The following LRRC9 variants were observed in gnomAD, a reference collection of about 807,000 sequenced individuals.
The protein encoded by LRRC9 is leucine-rich repeat-containing protein 9.
In LRRC9, 122 loss-of-function variants were observed where a neutral mutation model predicts 63.2. The ratio of observed to expected loss-of-function variants is 1.93; its 90% confidence interval spans 1.67 to 2.24. LRRC9 has a LOEUF of 2.24. Ranked by LOEUF, LRRC9 falls within the 30% of genes most tolerant of loss-of-function variation. The pLI is 0.00. For synonymous variants in LRRC9, 366 were observed against 213.1 expected, an observed-to-expected ratio of 1.72 and a Z score of -6.25; for missense variants, 1,071 against 627.7, an observed-to-expected ratio of 1.71 and a Z score of -7.55.
Position 60,027,849 on chromosome 14 carries a change from G to C in LRRC9, c.3704-35G>C. On this transcript the variant is annotated intron_variant, in intron 27 of 31. Coordinates refer to ENST00000445360, the Ensembl canonical transcript of LRRC9. This position sits in a 1 kb window ranked among gnomAD's most constrained non-coding sequence, Gnocchi z 4.0. The stretch of plus-strand genomic sequence containing the variant: ...ATATCCTTTACTTCAGGAAGTTTGG[G>C]CTCACTTGATATATCATGACTTATC... 1 of 626,348 alleles carries C rather than the reference G, an allele frequency of 1.6e-6. No homozygotes were observed. The allele number at this position is 626,348 out of a possible 1,614,324, so 38.8% of individuals were successfully genotyped here. A position where few individuals can be genotyped will look rare whatever the true frequency, so the allele number is the denominator to read the frequency against.
rs1000520486 is a variant in LRRC9 at position 59,990,004 on chromosome 14, C to T, written c.2211+4780C>T. On this transcript the variant is annotated intron_variant, in intron 17 of 31. Coordinates refer to ENST00000445360, the Ensembl canonical transcript of LRRC9. The surrounding 1 kb of genome is among the most constrained non-coding windows in gnomAD (Gnocchi z 4.2). ...GTGCAGTGGCGCAATCTCGGCTCAC[C>T]GCAACATCCACCTCCTGGATTCAAG... 6.6e-6 allele frequency among the ~76,000 whole-genome samples: 1 copy of T among 151,280 alleles called. No individual in the cohort carries two copies. The highest frequency in any genetic ancestry group is 1.5e-5 in the Non-Finnish European group (1 of 67,844).
At chr14:59,921,167 A>G (rs546907346) in intron 1 of LRRC9, among the ~76,000 whole-genome samples, 1 of 152,220 alleles carries the variant, frequency 6.6e-6, no homozygotes, top group African/African-American at 2.4e-5. Context: ...GAAACAGCCC[A>G]TGCCAAAGTA....
chr14:60,002,560 G>T (rs948526417), intron 20 of LRRC9, among the ~76,000 whole-genome samples: 5 of 151,938 alleles, frequency 3.3e-5, no homozygotes, highest in Non-Finnish European at 7.4e-5. Context: ...TTTAATATAT[G>T]CAATTTTAAA....
intron 17 of LRRC9, among the ~76,000 whole-genome samples, chr14:59,987,245 A>C (rs219345): frequency 0.85 from 127,593 of 150,898 alleles, 54,448 homozygotes; most frequent in Non-Finnish European, 0.9. Flanking sequence ...AGTTCTGTCA[A>C]CCAAATGTAC....
At position 60,042,874 on chromosome 14, in the gene LRRC9, G is replaced by A. The variant is rs1893078119; in HGVS notation, c.3991-10191G>A. Among the ~76,000 whole-genome samples, 1 of 152,160 alleles carries A rather than the reference G, an allele frequency of 6.6e-6. No homozygotes were observed. The highest frequency in any genetic ancestry group is 6.5e-5 in the Admixed American group (1 of 15,278). On this transcript the variant is annotated intron_variant, in intron 29 of 31. Transcript: ENST00000445360. The surrounding 1 kb of genome is among the most constrained non-coding windows in gnomAD (Gnocchi z 4.2). ...GAGCTGTTCCTATTAGGCCATCTTG[G>A]AACCTCCCATGTATTGTCATTTTAA...
intron 8 of LRRC9, among the ~76,000 whole-genome samples, chr14:59,957,607 C>T (rs1380567607): frequency 1.3e-5 from 2 of 151,980 alleles, no homozygotes; most frequent in African/African-American, 4.8e-5. Context: ...TTGTTATTAC[C>T]CACCTTCTGA....
intron 6 of LRRC9, among the ~76,000 whole-genome samples, chr14:59,934,454 C>T (rs1889966459): frequency 6.6e-6 from 1 of 152,148 alleles, no homozygotes; most frequent in African/African-American, 2.4e-5. Flanking sequence ...AGCAGTCATA[C>T]CTTACAATCT....
chr14:59,928,353 C>T (rs1889387221), exon 3 of LRRC9: 1 of 690,506 alleles, frequency 1.4e-6, no homozygotes, highest in Non-Finnish European at 2.6e-6. Flanking sequence ...TTAGGGTATC[C>T]TCGTATAGTT....
intron 29 of LRRC9, among the ~76,000 whole-genome samples, chr14:60,039,480 G>T (rs944575396): frequency 4.6e-5 from 7 of 152,082 alleles, no homozygotes; most frequent in Non-Finnish European, 8.8e-5. Context: ...CTTCTTCCTG[G>T]TTTAGTCTTG....
exon 14 of LRRC9, chr14:59,977,332 C>A: frequency 1.5e-6 from 1 of 688,570 alleles, no homozygotes; most frequent in South Asian, 1.6e-5. Context: ...GTTCATTCCT[C>A]GGAAATATTT....
intron 19 of LRRC9, among the ~76,000 whole-genome samples, chr14:60,000,284 G>A (rs549378228): frequency 1.5e-4 from 23 of 152,044 alleles, no homozygotes; most frequent in Non-Finnish European, 3.1e-4. Flanking sequence ...ACACATTGGA[G>A]AATACGACAG....
chr14:60,007,222 T>G (rs567512790), intron 22 of LRRC9, among the ~76,000 whole-genome samples: 2 of 152,318 alleles, frequency 1.3e-5, no homozygotes, highest in South Asian at 4.1e-4. Context: ...TTCCTGTCTT[T>G]TCTTAGTTCA....
intron 22 of LRRC9, 38 bp from the exon 23 acceptor site, chr14:60,008,054 A>G: frequency 1.7e-6 from 1 of 602,214 alleles, no homozygotes; most frequent in Non-Finnish European, 3.0e-6. Context: ...AGTGCTTTAA[A>G]TATACATATA....
intron 6 of LRRC9, among the ~76,000 whole-genome samples, chr14:59,937,892 A>G (rs952677539): frequency 1.3e-5 from 2 of 151,882 alleles, no homozygotes; most frequent in Admixed American, 1.3e-4. Context: ...CAAAACAAAC[A>G]AAAAAAACAA....
intron 15 of LRRC9, among the ~76,000 whole-genome samples, chr14:59,980,168 A>G (rs1886777144): frequency 6.6e-6 from 1 of 152,128 alleles, no homozygotes; most frequent in East Asian, 1.9e-4. Flanking sequence ...AGCTTTTTTA[A>G]TCCATCTAGA....
Position 60,020,155 on chromosome 14 carries a change from C to G in LRRC9, c.3566+895C>G, listed in dbSNP as rs552249365. Among the ~76,000 whole-genome samples, 12 of 152,012 alleles carry G rather than the reference C, an allele frequency of 7.9e-5. No homozygotes were observed. In the East Asian group the frequency reaches 2.3e-3, roughly 29 times the overall value. Reference sequence around the variant, plus strand: ...CTGGCAACAACCACTGATCTGCTCTCTCGCTATAATTTTGCCTTTTTCCAG... The same window carrying G: ...CTGGCAACAACCACTGATCTGCTCTGTCGCTATAATTTTGCCTTTTTCCAG... On this transcript the variant is annotated intron_variant, in intron 26 of 31. Coordinates refer to ENST00000445360, the Ensembl canonical transcript of LRRC9.
At chr14:59,981,185 C>T (rs1345778450) in intron 15 of LRRC9, among the ~76,000 whole-genome samples, 6 of 151,982 alleles carry the variant, frequency 3.9e-5, no homozygotes, top group African/African-American at 1.2e-4. Flanking sequence ...CTACCATATC[C>T]ACTTGGTTCT....
chr14:59,924,477 G>A (rs923923849), intron 1 of LRRC9, among the ~76,000 whole-genome samples: 3 of 152,070 alleles, frequency 2.0e-5, no homozygotes, highest in Admixed American at 6.6e-5. Context: ...GAAGGAATGC[G>A]CGGCATTTCC....
chr14:59,928,805 A>G (rs1308390472), intron 3 of LRRC9, among the ~76,000 whole-genome samples: 1 of 152,164 alleles, frequency 6.6e-6, no homozygotes, highest in Admixed American at 6.5e-5. Flanking sequence ...GACAAAGATG[A>G]CAAAAACGAG....
Sources: gnomAD v4.1 joint callset for allele counts (sites outside exome capture counted in the v4.1 genomes callset) on GRCh38, gnomAD v4.1.1 for gene constraint, Gnocchi (gnomAD v3.1) non-coding constraint, MANE v1.5 for transcripts, NCBI Gene and HGNC (gene_info 2026-07-23, HGNC 2026-07-21) for gene names.